DMC1: variants seen among roughly 807,000 people sequenced by gnomAD.
DMC1 encodes the protein DNA meiotic recombinase 1.
In DMC1, 27 loss-of-function variants were observed where a neutral mutation model predicts 50.1. That is an observed-to-expected ratio of 0.54 (90% CI 0.40 to 0.74). DMC1 has a LOEUF of 0.74. Ranked by LOEUF, DMC1 falls within the 30% of genes least tolerant of loss-of-function variation. DMC1 has a pLI of 0.00. For missense variants in DMC1, 295 were observed against 420.2 expected (o/e 0.70, Z 2.60); for synonymous variants, 148 against 136.1 (o/e 1.09, Z -0.61).
intron 3 of DMC1, 41 bp downstream of exon 3, chr22:38,567,542 C>G (rs1443054410): frequency 3.3e-6 from 5 of 1,513,946 alleles, no homozygotes; most frequent in Non-Finnish European, 4.6e-6. Flanking sequence ...CTGAGAAATC[C>G]TGAATCAGAC....
intron 12 of DMC1, among the ~76,000 whole-genome samples, chr22:38,531,926 A>C (rs1261969515): frequency 6.6e-6 from 1 of 151,060 alleles, no homozygotes; most frequent in African/African-American, 2.5e-5. Context: ...ACTTTCTACA[A>C]ATATAAGAAA....
chr22:38,540,601 A>C (rs184885459), intron 8 of DMC1, among the ~76,000 whole-genome samples: 62 of 152,180 alleles, frequency 4.1e-4, no homozygotes, highest in Non-Finnish European at 7.8e-4. Flanking sequence ...AAGTAACTGT[A>C]AATCAAGGAC....
downstream of DMC1, among the ~76,000 whole-genome samples, chr22:38,518,679 C>T (rs372157366): frequency 2.2e-4 from 33 of 152,098 alleles, no homozygotes; most frequent in African/African-American, 7.5e-4. Context: ...CTCAGGCACA[C>T]ACCAGCACGC....
At chr22:38,518,797 A>T (rs975332632), downstream of DMC1, among the ~76,000 whole-genome samples, 9 of 151,864 alleles carry the variant, frequency 5.9e-5, no homozygotes, top group Non-Finnish European at 1.2e-4. Context: ...CCTCCCAAAG[A>T]GCTGGGATTA....
chr22:38,565,730 A>G lies in DMC1; in HGVS notation c.243+860T>C, dbSNP rs963240033. Among the ~76,000 whole-genome samples the G allele has an allele frequency of 3.9e-5, 6 of 152,354 alleles. 1 individual carries two copies. The highest frequency in any genetic ancestry group is 4.1e-4 in the South Asian group (2 of 4,832). On this transcript the variant is annotated intron_variant, in intron 4 of 13. Transcript: ENST00000216024. The stretch of plus-strand genomic sequence containing the variant: ...GGGGGCTCACCTGCCCTGCATCAGT[A>G]TGGGTTAGCTTAGCTCAGCTGCTTC...
chr22:38,549,967 T>C lies in DMC1; in HGVS notation c.452A>G (p.Tyr151Cys), dbSNP rs773650279. Residue 151 changes from tyrosine (Y) to cysteine (C), a missense_variant, in exon 8 of 14, where the codon TAC becomes TGC. Coordinates refer to ENST00000216024, the MANE Select transcript of DMC1 (RefSeq NM_007068.4). ...AATGAAGATAATCTTTCCTCCTGGGTAGCCACCAGCTCCTGGAAGTTGAGC... is the reference window on the plus strand; with the variant it reads ...AATGAAGATAATCTTTCCTCCTGGGCAGCCACCAGCTCCTGGAAGTTGAGC... The part of the protein sequence containing the change: ...VTAQLPGAGG[Y>C]PGGKIIFIDT... 1 of 1,613,720 alleles carries C rather than the reference T, an allele frequency of 6.2e-7. No homozygotes were observed. The highest frequency in any genetic ancestry group is 1.1e-5 in the South Asian group (1 of 91,058).
intron 11 of DMC1, among the ~76,000 whole-genome samples, chr22:38,537,978 A>G (rs867701027): frequency 2.6e-5 from 4 of 152,058 alleles, no homozygotes; most frequent in Admixed American, 6.6e-5. Flanking sequence ...CCCCGTCTCT[A>G]CTAAATATAC....
chr22:38,569,324 G>A (rs2090614081), intron 1 of DMC1: 1 of 152,032 alleles, frequency 6.6e-6, no homozygotes, highest in Non-Finnish European at 1.5e-5. Context: ...ATAAAATGCG[G>A]TCCAAATCAT....
rs11570396 is a variant in DMC1, at chr22:38,561,254, A to G, written c.326+1033T>C. 9.3e-3 allele frequency among the ~76,000 whole-genome samples: 1,402 copies of G among 150,454 alleles called. 13 individuals carry two copies. Among genetic ancestry groups the G allele is most frequent in the Middle Eastern group, 0.017 (5 of 294 alleles). ...CTCAAGAGATCCCCTCCCCACCTCCAGCCTTGGCCTCCCAAGGTGCTGGGA... is the reference window on the plus strand; with the variant it reads ...CTCAAGAGATCCCCTCCCCACCTCCGGCCTTGGCCTCCCAAGGTGCTGGGA... On this transcript the variant is annotated intron_variant, in intron 5 of 13. Transcript: ENST00000216024.
At chr22:38,536,345 T>C (rs527549600) in intron 12 of DMC1, among the ~76,000 whole-genome samples, 1 of 152,294 alleles carries the variant, frequency 6.6e-6, no homozygotes, top group East Asian at 1.9e-4. Flanking sequence ...AGGATTATTT[T>C]GATTGCTTAT....
At chr22:38,560,448 G>A (rs2090515949) in intron 5 of DMC1, among the ~76,000 whole-genome samples, 1 of 151,872 alleles carries the variant, frequency 6.6e-6, no homozygotes, top group African/African-American at 2.4e-5. Context: ...GGTGTTATGA[G>A]CCACTGCATT....
intron 12 of DMC1, among the ~76,000 whole-genome samples, chr22:38,536,566 A>G (rs888953738): frequency 1.3e-5 from 2 of 152,202 alleles, no homozygotes; most frequent in African/African-American, 4.8e-5. Flanking sequence ...GACTTCTCCC[A>G]TAGTGCCTCT....
intron 6 of DMC1, among the ~76,000 whole-genome samples, chr22:38,553,797 A>G (rs1002736801): frequency 4.0e-5 from 6 of 151,512 alleles, no homozygotes; most frequent in Non-Finnish European, 7.4e-5. Flanking sequence ...CATCTCTACT[A>G]AAAAATAAAA....
intron 1 of DMC1, among the ~76,000 whole-genome samples, chr22:38,569,073 A>G (rs1317384161): frequency 6.6e-6 from 1 of 151,410 alleles, no homozygotes; most frequent in Non-Finnish European, 1.5e-5. Context: ...AATCCCACCT[A>G]CTTGGGAGGC....
chr22:38,510,757 A>G, the DMC1 span, among the ~76,000 whole-genome samples: 1 of 152,214 alleles, frequency 6.6e-6, no homozygotes, highest in Non-Finnish European at 1.5e-5. Flanking sequence ...CAGCACACCG[A>G]AGGTGGGGAA....
intron 8 of DMC1, among the ~76,000 whole-genome samples, chr22:38,542,431 T>G (rs1569161084): frequency 6.6e-6 from 1 of 151,964 alleles, no homozygotes; most frequent in Non-Finnish European, 1.5e-5. Context: ...AAAAAGAAAT[T>G]CAAAAATTAA....
intron 13 of DMC1, among the ~76,000 whole-genome samples, chr22:38,521,187 G>T (rs2145766033): frequency 1.3e-5 from 2 of 152,064 alleles, no homozygotes; most frequent in South Asian, 4.1e-4. Flanking sequence ...GAGTTAACCT[G>T]GCAAAAAGAA....
chr22:38,546,745 C>A (rs1253629457), intron 8 of DMC1, among the ~76,000 whole-genome samples: 1 of 152,052 alleles, frequency 6.6e-6, no homozygotes, highest in African/African-American at 2.4e-5. Context: ...GAAATGAGAG[C>A]CTTAAATGAT....
intron 8 of DMC1, chr22:38,549,712 T>C (rs887850786): frequency 1.9e-5 from 10 of 519,322 alleles, no homozygotes; most frequent in Non-Finnish European, 3.1e-5. Context: ...CTCTCATGTA[T>C]TTGTTTTGTC....
Sources: gnomAD v4.1 joint callset for allele counts (sites outside exome capture counted in the v4.1 genomes callset) on GRCh38, gnomAD v4.1.1 for gene constraint, MANE v1.5 for transcripts, NCBI Gene and HGNC (gene_info 2026-07-23, HGNC 2026-07-21) for gene names.